The following FMN1 variants were observed in gnomAD, a reference collection of about 807,000 sequenced individuals.
FMN1 encodes formin-1.
Under a neutral mutation model 132.4 loss-of-function variants are expected in FMN1, and 110 were observed. That is an observed-to-expected ratio of 0.83 (90% CI 0.71 to 0.97). The LOEUF is 0.97. FMN1 is among the 50% of genes least tolerant of loss of function. The pLI, the probability that FMN1 is intolerant of heterozygous loss-of-function variation, is 0.00. For missense variants in FMN1, 1,792 were observed against 1,705.3 expected (o/e 1.05, Z -0.90); for synonymous variants, 722 against 651.7 (o/e 1.11, Z -1.64).
intron 16 of FMN1, among the ~76,000 whole-genome samples, chr15:32,879,098 G>A (rs2059702653): frequency 6.6e-6 from 1 of 152,144 alleles, no homozygotes; most frequent in African/African-American, 2.4e-5. Context: ...TAGTCACCAT[G>A]CTCAATTAAT....
chr15:32,948,483 T>C (rs902267759), intron 9 of FMN1, among the ~76,000 whole-genome samples: 3 of 152,030 alleles, frequency 2.0e-5, no homozygotes, highest in Non-Finnish European at 2.9e-5. Context: ...AAGAAAGACA[T>C]GCTTAGTGTA....
At chr15:32,785,690 C>T (rs1567163970) in intron 19 of FMN1, among the ~76,000 whole-genome samples, 1 of 152,102 alleles carries the variant, frequency 6.6e-6, no homozygotes, top group Non-Finnish European at 1.5e-5. Context: ...ACTTCAGGAG[C>T]AGAGGAATAA....
intron 9 of FMN1, among the ~76,000 whole-genome samples, chr15:32,950,550 GAGCTGGGGGCCATACTCC>G (rs2061628965): frequency 6.6e-6 from 1 of 152,156 alleles, no homozygotes; most frequent in African/African-American, 2.4e-5. Context: ...CACATGGATG[GAGCTGGGGGCCATACTCC>G]TTAGTAAACT....
chr15:33,101,293 G>C (rs148568471), intron 4 of FMN1, among the ~76,000 whole-genome samples: 2 of 151,852 alleles, frequency 1.3e-5, no homozygotes, highest in Non-Finnish European at 2.9e-5. Flanking sequence ...GGAGGTTGGC[G>C]ATTTGGTAAA....
rs143876108 is a variant in FMN1 at position 33,009,543 on chromosome 15, T to G, written c.2162-1468A>C. 2.5e-3 allele frequency among the ~76,000 whole-genome samples: 381 copies of G among 152,336 alleles called. 3 individuals are homozygous for G. The highest frequency in any genetic ancestry group is 4.0e-3 in the Non-Finnish European group (272 of 68,030). ...TTGCCATTCCTTGAACTTGTCAAAT[T>G]ATTTTCTATCTCAAAATCTTTGCTA... On this transcript the variant is annotated intron_variant, in intron 6 of 20. Transcript: ENST00000616417.
chr15:33,082,023 GTGTGTGT>G (rs2038485614), intron 5 of FMN1, among the ~76,000 whole-genome samples: 2 of 71,882 alleles, frequency 2.8e-5, no homozygotes, highest in African/African-American at 4.7e-5. Context: ...GTTCAGGGGT[GTGTGTGT>G]GTGTGTGTGT....
intron 5 of FMN1, among the ~76,000 whole-genome samples, chr15:33,075,435 T>A (rs895557518): frequency 3.3e-5 from 5 of 152,192 alleles, no homozygotes; most frequent in African/African-American, 1.2e-4. Context: ...CACCTCCGCA[T>A]GCCCCAGCCG....
In FMN1 at chr15:33,060,723, A is replaced by G. The variant is rs182719097; in HGVS notation, c.2161+4234T>C. On this transcript the variant is annotated intron_variant, in intron 6 of 20. Transcript: ENST00000616417. ...CAGCTCTGAGATGCTTCAGGTAGAG[A>G]GAAAAGCTTTTCCAGATGCACATTG... 1.4e-3 allele frequency among the ~76,000 whole-genome samples: 207 copies of G among 152,342 alleles called. 1 individual carries two copies. Among genetic ancestry groups the G allele is most frequent in the African/African-American group, 4.4e-3 (183 of 41,588 alleles).
chr15:33,076,163 G>C (rs898619395), intron 5 of FMN1, among the ~76,000 whole-genome samples: 1 of 152,184 alleles, frequency 6.6e-6, no homozygotes, highest in African/African-American at 2.4e-5. Flanking sequence ...AATTTCCTGG[G>C]ATGTGTTTCA....
At chr15:32,848,065 A>C (rs1368078799) in intron 17 of FMN1, among the ~76,000 whole-genome samples, 1 of 152,198 alleles carries the variant, frequency 6.6e-6, no homozygotes, top group African/African-American at 2.4e-5. Context: ...TGTACATTGA[A>C]GCACCTGTGT....
intron 3 of FMN1, among the ~76,000 whole-genome samples, chr15:33,163,112 G>A (rs1021765680): frequency 3.3e-5 from 5 of 152,148 alleles, no homozygotes; most frequent in African/African-American, 1.2e-4. Context: ...GGGTGACAGA[G>A]TGAGACACTG....
At chr15:32,929,321 A>C (rs1160742918) in intron 9 of FMN1, among the ~76,000 whole-genome samples, 2 of 152,202 alleles carry the variant, frequency 1.3e-5, no homozygotes, top group Non-Finnish European at 2.9e-5. Flanking sequence ...AACCAACTAC[A>C]ATGGTAGGGA....
At chr15:32,913,415 C>A (rs1349838691) in intron 10 of FMN1, among the ~76,000 whole-genome samples, 1 of 152,130 alleles carries the variant, frequency 6.6e-6, no homozygotes, top group Non-Finnish European at 1.5e-5. Context: ...GTCTAAACTC[C>A]TTGGCCTGGT....
At position 33,089,907 on chromosome 15, in the gene FMN1, T is replaced by C. The variant is rs116704713; in HGVS notation, c.1868-933A>G. On this transcript the variant is annotated intron_variant, in intron 4 of 20. Coordinates refer to ENST00000616417, the MANE Select transcript of FMN1 (RefSeq NM_001277313.2). ...ACATACTGTATCTCTTAAAGAATCA[T>C]GATTCATGTTAGCATATTAAAGACC... 5.2e-3 allele frequency among the ~76,000 whole-genome samples: 786 copies of C among 152,336 alleles called. 7 individuals are homozygous for C. The highest frequency in any genetic ancestry group is 0.018 in the African/African-American group (744 of 41,578).
intron 5 of FMN1, among the ~76,000 whole-genome samples, chr15:33,078,290 C>A (rs927721058): frequency 2.0e-5 from 3 of 152,170 alleles, no homozygotes; most frequent in South Asian, 2.1e-4. Flanking sequence ...ATAAATGTGA[C>A]CATCATTATT....
Position 33,018,574 on chromosome 15 carries a change from T to G in FMN1, c.2162-10499A>C, listed in dbSNP as rs559394593. Reference sequence around the variant, plus strand: ...AGGGTGGTGCGCCCAAGAAGAAATGTAAGCTCTACGGCCCTTCCCCCGTAC... The same window carrying G: ...AGGGTGGTGCGCCCAAGAAGAAATGGAAGCTCTACGGCCCTTCCCCCGTAC... On this transcript the variant is annotated intron_variant, in intron 6 of 20. Transcript: ENST00000616417. 6.6e-5 allele frequency among the ~76,000 whole-genome samples: 10 copies of G among 152,322 alleles called. No individual in the cohort carries two copies. In the East Asian group the frequency reaches 1.7e-3, roughly 26 times the overall value.
At chr15:32,967,992 C>A (rs549113523) in intron 8 of FMN1, among the ~76,000 whole-genome samples, 1 of 152,380 alleles carries the variant, frequency 6.6e-6, no homozygotes, top group Non-Finnish European at 1.5e-5. Context: ...ACAAATCACA[C>A]TCAAATCTGT....
chr15:32,986,875 A>G (rs2033103967), intron 7 of FMN1, among the ~76,000 whole-genome samples: 1 of 152,184 alleles, frequency 6.6e-6, no homozygotes, highest in African/African-American at 2.4e-5. Context: ...TTGTTATAAG[A>G]ATTACGTATT....
chr15:32,823,607 A>C (rs1389789041), intron 17 of FMN1, among the ~76,000 whole-genome samples: 6 of 152,218 alleles, frequency 3.9e-5, no homozygotes, highest in Admixed American at 3.9e-4. Flanking sequence ...TCTCACATAC[A>C]TTCTATGACA....
Sources: allele counts gnomAD v4.1 joint callset (sites outside exome capture counted in the v4.1 genomes callset), GRCh38; gene constraint gnomAD v4.1.1; transcripts MANE v1.5; gene names NCBI Gene and HGNC (gene_info 2026-07-23, HGNC 2026-07-21).